Variants in LRRC49 observed in about 807,000 individuals in gnomAD.
The protein encoded by LRRC49 is leucine-rich repeat-containing protein 49.
In LRRC49, 50 loss-of-function variants were observed where a neutral mutation model predicts 83.3. That is an observed-to-expected ratio of 0.60 (90% CI 0.48 to 0.76). The LOEUF is 0.76. Ranked by LOEUF, LRRC49 falls within the 30% of genes least tolerant of loss-of-function variation. The pLI, the probability that LRRC49 is intolerant of heterozygous loss-of-function variation, is 0.00. For synonymous variants in LRRC49, 286 were observed against 283.3 expected (o/e 1.01, Z -0.10); for missense variants, 704 against 809.1 (o/e 0.87, Z 1.58).
chr15:70,871,107 G>T (rs1209359870), intron 1 of LRRC49, among the ~76,000 whole-genome samples: 2 of 151,940 alleles, frequency 1.3e-5, no homozygotes, highest in African/African-American at 4.8e-5. Flanking sequence ...GCGGCCTTCC[G>T]CAGTGTTTGT....
intron 14 of LRRC49, 110 bp downstream of exon 14, chr15:71,013,023 C>T: frequency 1.5e-6 from 1 of 658,180 alleles, no homozygotes; most frequent in Admixed American, 2.9e-5. Context: ...AAACATGTAT[C>T]CTAGACTGGC....
In LRRC49 at chr15:70,989,200, A is replaced by G. The variant is rs139773062; in HGVS notation, c.1169+4943A>G. On this transcript the variant is annotated intron_variant, in intron 11 of 15. Coordinates refer to ENST00000260382, the MANE Select transcript of LRRC49 (RefSeq NM_017691.5). Reference sequence around the variant, plus strand: ...TGTTGGCCTGCCTTGCTGGATTGGGAAAGTTCTCCTGGATAATATCCTGCA... The same window carrying G: ...TGTTGGCCTGCCTTGCTGGATTGGGGAAGTTCTCCTGGATAATATCCTGCA... Among the ~76,000 whole-genome samples the G allele has an allele frequency of 8.4e-3, 1,280 of 152,144 alleles. 13 individuals carry two copies. The highest frequency in any genetic ancestry group is 0.013 in the Non-Finnish European group (882 of 67,996).
chr15:71,006,943 T>A (rs757150003), intron 11 of LRRC49, among the ~76,000 whole-genome samples: 1 of 152,104 alleles, frequency 6.6e-6, no homozygotes, highest in Admixed American at 6.5e-5. Context: ...TAGTTTTTCC[T>A]ATTATCAGCC....
chr15:70,860,670 T>C (rs544045283), intron 1 of LRRC49, among the ~76,000 whole-genome samples: 28 of 152,330 alleles, frequency 1.8e-4, no homozygotes, highest in African/African-American at 6.7e-4. Context: ...TACAGGTATA[T>C]GGCATTGCAC....
intron 15 of LRRC49, among the ~76,000 whole-genome samples, chr15:71,038,767 A>G (rs1274953150): frequency 2.0e-5 from 3 of 152,190 alleles, no homozygotes; most frequent in Non-Finnish European, 4.4e-5. Flanking sequence ...TACATAGTAA[A>G]AAGAACAAGT....
chr15:71,029,769 A>G (rs973609474), intron 14 of LRRC49, among the ~76,000 whole-genome samples: 2 of 152,296 alleles, frequency 1.3e-5, no homozygotes, highest in South Asian at 2.1e-4. Context: ...CTTTACCATT[A>G]TGTAATGCCC....
Position 71,009,995 on chromosome 15 carries a change from A to G in LRRC49, c.1593+3A>G, listed in dbSNP as rs1003942788. The G allele has an allele frequency of 1.3e-6, 2 of 1,552,536 alleles. No homozygotes were observed. The highest frequency in any genetic ancestry group is 4.6e-5 in the East Asian group (2 of 43,326). On this transcript the variant is annotated splice_donor_region_variant and intron_variant, in intron 13 of 15. Transcript: ENST00000260382. Reference sequence around the variant, plus strand: ...TGCAGAAAATAAATGGAACAGAGGTAAGCTAAAAACTAGATGAACTATAGA... The same window carrying G: ...TGCAGAAAATAAATGGAACAGAGGTGAGCTAAAAACTAGATGAACTATAGA...
chr15:71,008,734 G>C, intron 12 of LRRC49, 118 bp downstream of exon 12: 1 of 672,524 alleles, frequency 1.5e-6, no homozygotes, highest in Non-Finnish European at 2.4e-6. Context: ...GAAGATTTAA[G>C]TTTTGTGTTG....
At chr15:70,902,198 C>G (rs982566787) in intron 4 of LRRC49, among the ~76,000 whole-genome samples, 2 of 152,060 alleles carry the variant, frequency 1.3e-5, no homozygotes, top group Admixed American at 1.3e-4. Flanking sequence ...TAACTTTTCT[C>G]TTGATCTTTG....
intron 2 of LRRC49, among the ~76,000 whole-genome samples, chr15:70,873,662 G>T (rs1256818004): frequency 6.6e-6 from 1 of 152,176 alleles, no homozygotes. Flanking sequence ...GGGACCAGCT[G>T]CTTCTCCACA....
intron 1 of LRRC49, among the ~76,000 whole-genome samples, chr15:70,863,456 T>C (rs1416997277): frequency 6.6e-6 from 1 of 152,252 alleles, no homozygotes; most frequent in African/African-American, 2.4e-5. Flanking sequence ...TCTGGTCTAA[T>C]AGAAGACAGA....
chr15:70,984,018 C>T, intron 10 of LRRC49, 76 bp from the exon 11 acceptor site: 1 of 1,084,728 alleles, frequency 9.2e-7, no homozygotes, highest in Non-Finnish European at 1.4e-6. Context: ...AAGGCACAAA[C>T]AATATGCCCC....
At chr15:70,883,971 T>A (rs973518969) in intron 2 of LRRC49, among the ~76,000 whole-genome samples, 23 of 152,066 alleles carry the variant, frequency 1.5e-4, no homozygotes, top group Admixed American at 6.6e-4. Flanking sequence ...ATTTGATTTG[T>A]AGGGGAACTA....
In LRRC49 at chr15:70,963,871, A is replaced by G; in HGVS notation, c.860A>G (p.Tyr287Cys). 1 of 1,613,700 alleles carries G rather than the reference A, an allele frequency of 6.2e-7. No individual in the cohort carries two copies. Among genetic ancestry groups the G allele is most frequent in the South Asian group, 1.1e-5 (1 of 91,040 alleles). Residue 287 changes from tyrosine (Y) to cysteine (C), a missense_variant, in exon 9 of 16, where the codon TAC becomes TGC. By Grantham distance (194) the Tyr-to-Cys change is radical. Around this residue, in one of 3 missense-constraint regions of LRRC49, gnomAD observed 168 missense variants for 140.6 expected, o/e 1.20. Transcript: ENST00000260382. ...AATCCCATAGCTCAAGAGTCATGGT[A>G]CAAACACACTGTCCTTCAGAATATG... ...DGNPIAQESW[Y>C]KHTVLQNMMQ... is the part of the protein sequence containing the mutation.
At chr15:71,012,320 C>A (rs1255667859) in intron 13 of LRRC49, among the ~76,000 whole-genome samples, 1 of 151,950 alleles carries the variant, frequency 6.6e-6, no homozygotes, top group Non-Finnish European at 1.5e-5. Context: ...ACAGGAGCAT[C>A]CTTGCTAATT....
intron 7 of LRRC49, among the ~76,000 whole-genome samples, chr15:70,934,090 A>T (rs555326342): frequency 6.6e-6 from 1 of 152,202 alleles, no homozygotes; most frequent in East Asian, 1.9e-4. Context: ...TCATCCTTGG[A>T]TTTCTCTTTG....
At chr15:71,045,398 A>G (rs565033867) in intron 15 of LRRC49, among the ~76,000 whole-genome samples, 28 of 152,290 alleles carry the variant, frequency 1.8e-4, no homozygotes, top group Non-Finnish European at 3.5e-4. Flanking sequence ...TCCATCCATC[A>G]GTCTACCTTC....
At chr15:70,878,913 T>A (rs2033207145) in intron 2 of LRRC49, among the ~76,000 whole-genome samples, 2 of 152,264 alleles carry the variant, frequency 1.3e-5, no homozygotes. Context: ...TAATTTCTTT[T>A]CTTGCAATGT....
chr15:70,979,862 A>G (rs2037337650), intron 9 of LRRC49, among the ~76,000 whole-genome samples: 2 of 152,074 alleles, frequency 1.3e-5, no homozygotes, highest in Admixed American at 6.6e-5. Context: ...TCTTTCTTGT[A>G]TGAGCTAGGT....
Sources: gnomAD v4.1 joint callset for allele counts (sites outside exome capture counted in the v4.1 genomes callset) on GRCh38, gnomAD v4.1.1 for gene constraint, gnomAD v4.1.1 regional missense constraint, MANE v1.5 for transcripts, NCBI Gene and HGNC (gene_info 2026-07-23, HGNC 2026-07-21) for gene names.